The following GPCPD1 variants were observed in gnomAD, a reference collection of about 807,000 sequenced individuals.
GPCPD1 encodes the protein glycerophosphocholine phosphodiesterase 1, also known as glycerophosphocholine phosphodiesterase GPCPD1.
In GPCPD1, 29 loss-of-function variants were observed where a neutral mutation model predicts 89.2. That is an observed-to-expected ratio of 0.33 (90% CI 0.24 to 0.44). GPCPD1 has a LOEUF of 0.44. GPCPD1 is among the 20% of genes least tolerant of loss of function. The probability of loss-of-function intolerance (pLI) is 1.00; values close to 1 mark genes in which losing one functional copy is unlikely to be tolerated. For synonymous variants in GPCPD1, 258 were observed against 266.3 expected (o/e 0.97, Z 0.30); for missense variants, 594 against 808.9 (o/e 0.73, Z 3.22).
intron 19 of GPCPD1, among the ~76,000 whole-genome samples, chr20:5,554,114 G>A (rs1490437170): frequency 7.4e-6 from 1 of 135,012 alleles, no homozygotes; most frequent in African/African-American, 3.0e-5. Context: ...GACTACAGGC[G>A]CCCGCCACCA....
At chr20:5,550,095 A>C (rs544904433) in intron 19 of GPCPD1, among the ~76,000 whole-genome samples, 1 of 151,984 alleles carries the variant, frequency 6.6e-6, no homozygotes, top group Non-Finnish European at 1.5e-5. Context: ...TGGGAGACTG[A>C]GGCATGAGAA....
chr20:5,571,035 C>T (rs1031701188), intron 11 of GPCPD1, among the ~76,000 whole-genome samples: 35 of 152,106 alleles, frequency 2.3e-4, no homozygotes, highest in Admixed American at 1.3e-4. Flanking sequence ...AGGCCAGCTG[C>T]GATAGAAGGA....
intron 12 of GPCPD1, 46 bp from the exon 13 acceptor site, chr20:5,567,606 AAATT>A: frequency 6.7e-7 from 1 of 1,489,416 alleles, no homozygotes; most frequent in Non-Finnish European, 9.0e-7. Context: ...AGAATAAAGA[AAATT>A]AAGAGAAAAG....
intron 1 of GPCPD1, among the ~76,000 whole-genome samples, chr20:5,606,216 T>C (rs1224285681): frequency 6.6e-6 from 1 of 152,158 alleles, no homozygotes; most frequent in Non-Finnish European, 1.5e-5. Context: ...ACTTACATAA[T>C]TTAAATGGAG....
chr20:5,554,708 G>A (rs978493921), intron 19 of GPCPD1, among the ~76,000 whole-genome samples: 1 of 152,154 alleles, frequency 6.6e-6, no homozygotes, highest in African/African-American at 2.4e-5. Context: ...AATCCATTCT[G>A]CAGCCCATGG....
intron 4 of GPCPD1, among the ~76,000 whole-genome samples, chr20:5,588,623 G>GAGACCATCAGGAGTTCA (rs1426785040): frequency 6.6e-6 from 1 of 151,966 alleles, no homozygotes; most frequent in African/African-American, 2.4e-5. Context: ...TCAGGAGTTC[G>GAGACCATCAGGAGTTCA]AGACCAACCT....
At chr20:5,554,042 C>T (rs1342304460) in intron 19 of GPCPD1, among the ~76,000 whole-genome samples, 1 of 136,060 alleles carries the variant, frequency 7.3e-6, no homozygotes, top group African/African-American at 2.9e-5. Flanking sequence ...GATCTCTGCT[C>T]ACTGCAAGCT....
At chr20:5,575,352 G>C (rs1978286497) in intron 10 of GPCPD1, 61 bp downstream of exon 10, 3 of 1,180,772 alleles carry the variant, frequency 2.5e-6, no homozygotes. Flanking sequence ...GAGAAAACCA[G>C]TGTAACTCTA....
At chr20:5,564,430 G>A (rs1986260490) in intron 15 of GPCPD1, among the ~76,000 whole-genome samples, 1 of 151,734 alleles carries the variant, frequency 6.6e-6, no homozygotes, top group African/African-American at 2.4e-5. Flanking sequence ...ATATGGATTT[G>A]CTACTCTTAC....
intron 4 of GPCPD1, among the ~76,000 whole-genome samples, chr20:5,589,489 G>A (rs754822937): frequency 6.6e-5 from 10 of 152,094 alleles, no homozygotes; most frequent in Non-Finnish European, 1.5e-4. Flanking sequence ...GTGCATGCCT[G>A]TAATCCCAAC....
Position 5,598,720 on chromosome 20 carries a change from C to A in GPCPD1, c.146+5G>T, listed in dbSNP as rs763273816. On this transcript the variant is annotated splice_donor_5th_base_variant and intron_variant, in intron 3 of 19. Transcript: ENST00000379019. Reference sequence around the variant, plus strand: ...TATTCTGTAACCTCACATTTCCATACTCACCTTTCACCTGTGTCATTCTCT... The same window carrying A: ...TATTCTGTAACCTCACATTTCCATAATCACCTTTCACCTGTGTCATTCTCT... 1 of 1,550,396 alleles carries A rather than the reference C, an allele frequency of 6.4e-7. No individual in the cohort carries two copies. The highest frequency in any genetic ancestry group is 1.7e-5 in the Admixed American group (1 of 59,900).
chr20:5,596,474 A>C (rs1371022210), intron 3 of GPCPD1, among the ~76,000 whole-genome samples: 1 of 152,188 alleles, frequency 6.6e-6, no homozygotes. Context: ...ACCAGGAAAG[A>C]CGGGTAGTCA....
rs1209326779 is a variant in GPCPD1, at chr20:5,601,361, C to CTT, written c.50-2542_50-2541dup. On this transcript the variant is annotated intron_variant, in intron 2 of 19. Transcript: ENST00000379019. ...GGCAATAGAGGGAGACCCTGTTAAT[C>CTT]TTTTTTTTTTTTTTTTTTTTTTTTT... Among the ~76,000 whole-genome samples, 360 of 73,044 alleles carry CTT rather than the reference C, an allele frequency of 4.9e-3. 2 individuals carry two copies. The highest frequency in any genetic ancestry group is 0.01 in the Middle Eastern group (1 of 96). The allele number at this position is 73,044 out of a possible 152,430, so 47.9% of individuals were successfully genotyped here.
rs1190301610 is a variant in GPCPD1, at chr20:5,547,714, C to A, written c.1966G>T (p.Glu656Ter). The A allele has an allele frequency of 1.2e-6, 2 of 1,610,254 alleles. No individual in the cohort carries two copies. Among genetic ancestry groups the A allele is most frequent in the Non-Finnish European group, 1.7e-6 (2 of 1,176,894 alleles). Reference sequence around the variant, plus strand: ...TTGGCATCCACATGGATATCAGACTCCCCACACAAAGATGAGGGAACAAAG... The same window carrying A: ...TTGGCATCCACATGGATATCAGACTACCCACACAAAGATGAGGGAACAAAG... ...SRFVPSSLCGESDIHVDANGI... is the reference protein window; with the variant it reads ...SRFVPSSLCG The change falls in exon 20 of 20, where the codon GAG becomes TAG. Residue 656 changes from glutamate (E) to a stop codon, truncating the protein, a stop_gained. Transcript: ENST00000379019. LOFTEE classifies it high-confidence loss of function.
intron 12 of GPCPD1, among the ~76,000 whole-genome samples, chr20:5,568,247 C>T (rs1482536464): frequency 2.8e-5 from 4 of 141,504 alleles, no homozygotes; most frequent in Admixed American, 1.4e-4. Flanking sequence ...TATATATATA[C>T]TTAGTATATA....
intron 5 of GPCPD1, 166 bp from the exon 6 acceptor site, chr20:5,584,488 C>A: frequency 2.2e-6 from 1 of 453,986 alleles, no homozygotes; most frequent in Non-Finnish European, 4.0e-6. Context: ...TAAAGAATTC[C>A]CTTTAAAGGA....
In GPCPD1 at chr20:5,598,751, A is replaced by T. The variant is rs762323824; in HGVS notation, c.120T>A (p.Leu40=). 5 of 1,610,600 alleles carry T rather than the reference A, an allele frequency of 3.1e-6. No individual in the cohort carries two copies. In the East Asian group the frequency reaches 1.1e-4, roughly 36 times the overall value. The change falls in exon 3 of 20, where the codon CTT becomes CTA. Residue 40 remains leucine, a synonymous_variant. Transcript: ENST00000379019. ...TTTCACCTGTGTCATTCTCTGGAAGAAGAGCCACAGCATTTTGAGGATTCC... is the reference window on the plus strand; with the variant it reads ...TTTCACCTGTGTCATTCTCTGGAAGTAGAGCCACAGCATTTTGAGGATTCC... The part of the protein sequence containing the change: ...GNWNPQNAVA[L]LPENDTGESM...
Position 5,609,953 on chromosome 20 carries a change from G to T in GPCPD1, c.-29+889C>A, listed in dbSNP as rs541126213. Among the ~76,000 whole-genome samples the T allele has an allele frequency of 2.0e-5, 3 of 152,256 alleles. No individual in the cohort carries two copies. In the South Asian group the frequency reaches 6.2e-4, roughly 32 times the overall value. ...CATGACGGGGTAGAGTAGTGGGTGA[G>T]AACTGTGCAGAAATGGGAGGAGGCG... On this transcript the variant is annotated intron_variant, in intron 1 of 19. Coordinates refer to ENST00000379019, the MANE Select transcript of GPCPD1 (RefSeq NM_019593.5).
intron 19 of GPCPD1, chr20:5,548,768 G>C: frequency 3.4e-6 from 1 of 298,144 alleles, no homozygotes; most frequent in South Asian, 7.3e-5. Context: ...AACTGAAAAG[G>C]CTGGCTCCCA....
Sources: gnomAD v4.1 joint callset for allele counts (sites outside exome capture counted in the v4.1 genomes callset) on GRCh38, gnomAD v4.1.1 for gene constraint, MANE v1.5 for transcripts, NCBI Gene and HGNC (gene_info 2026-07-23, HGNC 2026-07-21) for gene names.